GALNT18: variants seen among roughly 807,000 people sequenced by gnomAD.
The protein encoded by GALNT18 is polypeptide N-acetylgalactosaminyltransferase 18, also known as GalNAc-transferase 18.
A neutral mutation model predicts 69.5 loss-of-function variants in GALNT18; 44 were observed. The ratio of observed to expected loss-of-function variants is 0.63; its 90% CI spans 0.50 to 0.81. GALNT18 has a LOEUF of 0.81. Ranked by LOEUF, GALNT18 falls within the 40% of genes least tolerant of loss-of-function variation. The pLI, the probability that GALNT18 is intolerant of heterozygous loss-of-function variation, is 0.00. For synonymous variants in GALNT18, 364 were observed against 318.2 expected, an observed-to-expected ratio of 1.14 and a Z score of -1.53; for missense variants, 715 against 810.0, an observed-to-expected ratio of 0.88 and a Z score of 1.42.
At chr11:11,301,644 G>A (rs4641463) in intron 9 of GALNT18, among the ~76,000 whole-genome samples, 37,560 of 152,132 alleles carry the variant, frequency 0.25, 5,599 homozygotes, top group Middle Eastern at 0.39. Context: ...GGGAACAAGT[G>A]AGGCTGAGCA....
intron 3 of GALNT18, among the ~76,000 whole-genome samples, chr11:11,410,462 T>C (rs1217148342): frequency 2.0e-5 from 3 of 152,158 alleles, no homozygotes; most frequent in Non-Finnish European, 4.4e-5. Flanking sequence ...CCCTAACACA[T>C]TTTTATGTTC....
At chr11:11,431,852 A>T (rs946303644) in intron 3 of GALNT18, among the ~76,000 whole-genome samples, 1 of 152,232 alleles carries the variant, frequency 6.6e-6, no homozygotes, top group Non-Finnish European at 1.5e-5. Flanking sequence ...TCAGAAATAC[A>T]TTCATATAAA....
intron 6 of GALNT18, among the ~76,000 whole-genome samples, chr11:11,349,214 G>A (rs930944374): frequency 1.3e-5 from 2 of 152,042 alleles, no homozygotes; most frequent in Non-Finnish European, 2.9e-5. Flanking sequence ...TTAGTTGGTC[G>A]ACAGTCTTGT....
At chr11:11,516,299 G>A (rs1479468565) in intron 1 of GALNT18, among the ~76,000 whole-genome samples, 1 of 152,200 alleles carries the variant, frequency 6.6e-6, no homozygotes, top group African/African-American at 2.4e-5. Flanking sequence ...GAGCAAAGAA[G>A]GCCTGGACTT....
chr11:11,288,771 G>A (rs546507580), intron 10 of GALNT18, among the ~76,000 whole-genome samples: 229 of 152,262 alleles, frequency 1.5e-3, no homozygotes, highest in African/African-American at 5.1e-3. Context: ...GAGCTTGTGG[G>A]GGTTAGAGGA....
At chr11:11,559,287 C>T (rs367815570) in intron 1 of GALNT18, among the ~76,000 whole-genome samples, 46 of 152,234 alleles carry the variant, frequency 3.0e-4, no homozygotes, top group East Asian at 1.2e-3. Context: ...CTCTAGCCAC[C>T]TCTCTTCCCC....
chr11:11,371,700 G>A (rs1420100899), intron 6 of GALNT18, among the ~76,000 whole-genome samples: 6 of 152,160 alleles, frequency 3.9e-5, no homozygotes, highest in Admixed American at 1.3e-4. Flanking sequence ...TGGTCCTAGA[G>A]GTGGGCAGGC....
chr11:11,570,790 G>A (rs574185338), intron 1 of GALNT18, among the ~76,000 whole-genome samples: 1 of 152,308 alleles, frequency 6.6e-6, no homozygotes, highest in African/African-American at 2.4e-5. Context: ...CCCAGCACGA[G>A]CAGAGTCCCT....
chr11:11,362,840 A>C (rs1189832944), intron 6 of GALNT18, among the ~76,000 whole-genome samples: 1 of 152,222 alleles, frequency 6.6e-6, no homozygotes, highest in Admixed American at 6.5e-5. Flanking sequence ...CATTTCTAGG[A>C]ATCTATCCAA....
chr11:11,415,371 C>G lies in GALNT18; in HGVS notation c.595+17250G>C, dbSNP rs1854832073. ...GGGATGACTTAGAATTCTGCCCACACAGTGATCAATAAATAGTTGCCGAAT... is the reference window on the plus strand; with the variant it reads ...GGGATGACTTAGAATTCTGCCCACAGAGTGATCAATAAATAGTTGCCGAAT... On this transcript the variant is annotated intron_variant, in intron 3 of 10. Transcript: ENST00000227756. This position sits in a 1 kb window ranked among gnomAD's most constrained non-coding sequence, Gnocchi z 4.1. 6.6e-6 allele frequency among the ~76,000 whole-genome samples: 1 copy of G among 152,246 alleles called. No individual in the cohort carries two copies. The highest frequency in any genetic ancestry group is 1.9e-4 in the East Asian group (1 of 5,178).
Position 11,584,549 on chromosome 11 carries a change from T to G in GALNT18, c.235+36810A>C, listed in dbSNP as rs1158049139. Among the ~76,000 whole-genome samples, 1 of 152,130 alleles carries G rather than the reference T, an allele frequency of 6.6e-6. No individual in the cohort carries two copies. Among genetic ancestry groups the G allele is most frequent in the Non-Finnish European group, 1.5e-5 (1 of 68,032 alleles). ...CACGTAAGGACCGAGAGGCGAGTCT[T>G]CAGTGAAACACCCACAGAGAGCCGT... On this transcript the variant is annotated intron_variant, in intron 1 of 10. Transcript: ENST00000227756. This position sits in a 1 kb window ranked among gnomAD's most constrained non-coding sequence, Gnocchi z 4.1.
intron 10 of GALNT18, among the ~76,000 whole-genome samples, chr11:11,274,493 C>T (rs1172045870): frequency 6.6e-6 from 1 of 152,164 alleles, no homozygotes; most frequent in Admixed American, 6.5e-5. Context: ...CTGGGATGCT[C>T]AAGCTTGGTT....
intron 2 of GALNT18, among the ~76,000 whole-genome samples, chr11:11,440,689 C>T (rs1023430608): frequency 6.6e-6 from 1 of 152,226 alleles, no homozygotes; most frequent in African/African-American, 2.4e-5. Context: ...CCCATGTGCT[C>T]CTTGTCCACA....
At chr11:11,417,015 C>T (rs1161083724) in intron 3 of GALNT18, among the ~76,000 whole-genome samples, 1 of 152,214 alleles carries the variant, frequency 6.6e-6, no homozygotes, top group Non-Finnish European at 1.5e-5. Context: ...TCGGCTTTCT[C>T]AGGCACTGGC....
chr11:11,379,227 C>T lies in GALNT18; in HGVS notation c.633G>A (p.Lys211=). 1 of 1,613,262 alleles carries T rather than the reference C, an allele frequency of 6.2e-7. No homozygotes were observed. The highest frequency in any genetic ancestry group is 8.5e-7 in the Non-Finnish European group (1 of 1,179,968). The change falls in exon 4 of 11, where the codon AAG becomes AAA. Residue 211 remains lysine, a synonymous_variant. Coordinates refer to ENST00000227756, the MANE Select transcript of GALNT18 (RefSeq NM_198516.3). ...TGAAGCCTGGCTTCTGGCTGTTCACCTTGTCCACATATTCGGTCAGCTTCT... is the reference window on the plus strand; with the variant it reads ...TGAAGCCTGGCTTCTGGCTGTTCACTTTGTCCACATATTCGGTCAGCTTCT... ...LKEKLTEYVD[K]VNSQKPGFIK... is the part of the protein sequence containing the mutation.
At chr11:11,576,204 T>C (rs1198616641) in intron 1 of GALNT18, among the ~76,000 whole-genome samples, 1 of 152,238 alleles carries the variant, frequency 6.6e-6, no homozygotes, top group Admixed American at 6.5e-5. Flanking sequence ...CTGCACCAAC[T>C]GCACCTGACC....
At position 11,275,793 on chromosome 11, in the gene GALNT18, C is replaced by T. The variant is rs373154570; in HGVS notation, c.1678-4503G>A. Among the ~76,000 whole-genome samples the T allele has an allele frequency of 7.2e-5, 11 of 152,256 alleles. 1 individual carries two copies. Among genetic ancestry groups the T allele is most frequent in the African/African-American group, 2.4e-4 (10 of 41,530 alleles). ...AACACCATTTATTAAATAGGGAATC[C>T]TTTCCCCATTGCTTGTTTCAGTCAG... is the stretch of plus-strand genomic sequence containing the variant. On this transcript the variant is annotated intron_variant, in intron 10 of 10. Coordinates refer to ENST00000227756, the MANE Select transcript of GALNT18 (RefSeq NM_198516.3).
At chr11:11,364,553 G>A (rs529451676) in intron 6 of GALNT18, among the ~76,000 whole-genome samples, 3 of 141,292 alleles carry the variant, frequency 2.1e-5, no homozygotes, top group South Asian at 2.2e-4. Flanking sequence ...AATTACAAGA[G>A]GGGGGGAAAA....
At chr11:11,405,225 C>T (rs1201011372) in intron 3 of GALNT18, among the ~76,000 whole-genome samples, 1 of 152,158 alleles carries the variant, frequency 6.6e-6, no homozygotes, top group East Asian at 1.9e-4. Flanking sequence ...GAGACAGCTC[C>T]TCTTCCCTCC....
Sources: allele counts gnomAD v4.1 joint callset (sites outside exome capture counted in the v4.1 genomes callset), GRCh38; gene constraint gnomAD v4.1.1; non-coding constraint Gnocchi (gnomAD v3.1); transcripts MANE v1.5; gene names NCBI Gene and HGNC (gene_info 2026-07-23, HGNC 2026-07-21).